The following LAMP5 variants were observed in gnomAD, a reference collection of about 807,000 sequenced individuals.
LAMP5 encodes lysosome-associated membrane glycoprotein 5.
LAMP5 carries 36 observed loss-of-function variants against 30.2 expected under a neutral mutation model. That is an observed-to-expected ratio of 1.19 (90% CI 0.91 to 1.57). The LOEUF (loss-of-function observed/expected upper bound fraction) is 1.57, where lower values mean the gene tolerates loss of function less well. Among genes scored for constraint, LAMP5 ranks in the 40% most tolerant of loss-of-function variants. The probability of loss-of-function intolerance (pLI) is 0.00; values close to 1 mark genes in which losing one functional copy is unlikely to be tolerated. For missense variants in LAMP5, 377 were observed against 354.9 expected (o/e 1.06, Z -0.50); for synonymous variants, 149 against 134.6 (o/e 1.11, Z -0.74).
rs2045025007 is a variant in LAMP5 at position 9,514,995 on chromosome 20, G to A, written c.64+79G>A. On this transcript the variant is annotated intron_variant, in intron 1 of 5. Coordinates refer to ENST00000246070, the MANE Select transcript of LAMP5 (RefSeq NM_012261.4). ...AGAGCCGGCAAAGTAAAGTCAATTA[G>A]CTTGAGATAAAAAATATGGCCCTTA... 21 of 1,319,806 alleles carry A rather than the reference G, an allele frequency of 1.6e-5. No individual in the cohort carries two copies. In the South Asian group the frequency reaches 2.2e-4, roughly 14 times the overall value. 81.8% of individuals were successfully genotyped at this position (1,319,806 alleles called of 1,614,324 possible).
intron 5 of LAMP5, among the ~76,000 whole-genome samples, chr20:9,526,159 G>A (rs916562683): frequency 1.3e-5 from 2 of 152,142 alleles, no homozygotes; most frequent in Non-Finnish European, 2.9e-5. Context: ...GGTCCTGAGG[G>A]CTTTGCTACT....
chr20:9,518,291 A>C, intron 5 of LAMP5, 63 bp downstream of exon 5: 1 of 1,433,844 alleles, frequency 7.0e-7, no homozygotes, highest in Non-Finnish European at 9.7e-7. Flanking sequence ...TGAGAGAGGG[A>C]CCTACCAGGG....
At chr20:9,529,610 G>A in intron 5 of LAMP5, 32 bp from the exon 6 acceptor site, 1 of 1,601,078 alleles carries the variant, frequency 6.2e-7, no homozygotes, top group Non-Finnish European at 8.5e-7. Context: ...GTTTTGACCA[G>A]AGCTCTCTGC....
chr20:9,516,618 C>T lies in LAMP5; in HGVS notation c.475+257C>T, dbSNP rs3817878. 0.016 allele frequency among the ~76,000 whole-genome samples: 2,504 copies of T among 152,292 alleles called. 220 individuals carry two copies. In the East Asian group the frequency reaches 0.26, roughly 16 times the overall value. On this transcript the variant is annotated intron_variant, in intron 4 of 5. Transcript: ENST00000246070. Reference sequence around the variant, plus strand: ...TGGCCTGATCCTAGATAAGAAGTCCCTTGAAGGCCTGTCGTTCCCTGGTGC... The same window carrying T: ...TGGCCTGATCCTAGATAAGAAGTCCTTTGAAGGCCTGTCGTTCCCTGGTGC...
chr20:9,526,094 T>C (rs62193586), intron 5 of LAMP5, among the ~76,000 whole-genome samples: 7,818 of 152,224 alleles, frequency 0.051, 310 homozygotes, highest in East Asian at 0.21. Context: ...CTTGTAAAGA[T>C]GCCTGGGGCC....
Position 9,514,829 on chromosome 20 carries a change from G to A in LAMP5, c.-24G>A. 1 of 1,612,984 alleles carries A rather than the reference G, an allele frequency of 6.2e-7. No individual in the cohort carries two copies. The highest frequency in any genetic ancestry group is 8.5e-7 in the Non-Finnish European group (1 of 1,179,166). ...TGGCGGCCTCTGCAGCAGCACAGCC[G>A]GCCTCATTCGGGGCACTGCGAGTAT... On this transcript the variant is annotated 5_prime_UTR_variant, in exon 1 of 6. Transcript: ENST00000246070.
intron 5 of LAMP5, among the ~76,000 whole-genome samples, chr20:9,525,892 C>T (rs539893826): frequency 1.4e-4 from 22 of 152,338 alleles, no homozygotes; most frequent in African/African-American, 5.3e-4. Flanking sequence ...TTCTCCATTG[C>T]CTCTCCCATT....
At chr20:9,528,110 T>C (rs969475848) in intron 5 of LAMP5, among the ~76,000 whole-genome samples, 4 of 152,348 alleles carry the variant, frequency 2.6e-5, no homozygotes, top group African/African-American at 9.6e-5. Flanking sequence ...CATAATTGAA[T>C]ACTATTTGGC....
At chr20:9,516,394 C>A in intron 4 of LAMP5, 33 bp downstream of exon 4, 4 of 1,540,284 alleles carry the variant, frequency 2.6e-6, no homozygotes, top group African/African-American at 1.4e-5. Context: ...GGGGAGGGAG[C>A]CTGGGAACTC....
chr20:9,516,445 A>C, intron 4 of LAMP5, 84 bp downstream of exon 4: 2 of 1,186,508 alleles, frequency 1.7e-6, no homozygotes, highest in Non-Finnish European at 2.5e-6. Context: ...AGGTTTTGGA[A>C]ACCGTCCCAC....
chr20:9,522,994 T>TTTTA (rs2045089268), intron 5 of LAMP5, among the ~76,000 whole-genome samples: 1 of 146,314 alleles, frequency 6.8e-6, no homozygotes, highest in Non-Finnish European at 1.5e-5. Context: ...TTTTTTTTTT[T>TTTTA]GAGATGGGAG....
chr20:9,517,625 G>GTGTGTGTGTGTGTA (rs1315259613), intron 4 of LAMP5, among the ~76,000 whole-genome samples: 1 of 151,848 alleles, frequency 6.6e-6, no homozygotes, highest in Non-Finnish European at 1.5e-5. Flanking sequence ...AAATGTATGT[G>GTGTGTGTGTGTGTA]TGTGTGTGTG....
intron 5 of LAMP5, among the ~76,000 whole-genome samples, chr20:9,526,508 C>T (rs55938107): frequency 1.3e-4 from 20 of 152,166 alleles, no homozygotes; most frequent in South Asian, 6.2e-4. Context: ...ATCATACTGG[C>T]GAAGAAGACC....
intron 4 of LAMP5, among the ~76,000 whole-genome samples, chr20:9,517,206 C>G (rs569068541): frequency 3.0e-4 from 46 of 152,108 alleles, no homozygotes; most frequent in African/African-American, 1.1e-3. Context: ...AAGATGTCCC[C>G]CAGTTAAATT....
intron 5 of LAMP5, among the ~76,000 whole-genome samples, chr20:9,528,989 C>T (rs1210998787): frequency 1.3e-5 from 2 of 152,194 alleles, no homozygotes; most frequent in Admixed American, 6.5e-5. Flanking sequence ...ACAATTTATC[C>T]ATTCCATTTT....
rs2045023246 is a variant in LAMP5 at position 9,514,877 on chromosome 20, C to T, written c.25C>T (p.Pro9Ser). The T allele has an allele frequency of 1.9e-6, 3 of 1,614,066 alleles. No homozygotes were observed. Among genetic ancestry groups the T allele is most frequent in the Admixed American group, 1.7e-5 (1 of 60,000 alleles). The change falls in exon 1 of 6, where the codon CCC becomes TCC. Residue 9 changes from proline (P) to serine (S), a missense_variant. Pro to Ser is a moderately conservative substitution (Grantham distance 74, BLOSUM62 -1). Transcript: ENST00000246070. ...TATGGATCTCCAAGGAAGAGGGGTCCCCAGCATCGACAGACTTCGAGTTCT... is the reference window on the plus strand; with the variant it reads ...TATGGATCTCCAAGGAAGAGGGGTCTCCAGCATCGACAGACTTCGAGTTCT... MDLQGRGV[P>S]SIDRLRVLLM...
chr20:9,523,898 T>C (rs532870167), intron 5 of LAMP5, among the ~76,000 whole-genome samples: 1 of 152,350 alleles, frequency 6.6e-6, no homozygotes, highest in East Asian at 1.9e-4. Flanking sequence ...TACCCTGGGG[T>C]ATATATAGTT....
intron 4 of LAMP5, 40 bp from the exon 5 acceptor site, chr20:9,518,000 C>A (rs371656024): frequency 5.4e-5 from 41 of 763,046 alleles, no homozygotes; most frequent in African/African-American, 1.6e-4. Flanking sequence ...AGGTTAGGAA[C>A]AATGAGGGTT....
chr20:9,514,739 T>G lies in LAMP5; in HGVS notation c.-114T>G. ...GAATACGCGCTCCCTCCCTCCCCCT[T>G]CTCTGTCCCCCGCCTCTCGCTCACC... On this transcript the variant is annotated 5_prime_UTR_variant, in exon 1 of 6. Transcript: ENST00000246070. 1.1e-6 allele frequency: 1 copy of G among 905,796 alleles called. No individual in the cohort carries two copies. Among genetic ancestry groups the G allele is most frequent in the Non-Finnish European group, 1.8e-6 (1 of 570,924 alleles). 56.1% of individuals were successfully genotyped at this position (905,796 alleles called of 1,614,324 possible).
Sources: allele counts gnomAD v4.1 joint callset (sites outside exome capture counted in the v4.1 genomes callset), GRCh38; gene constraint gnomAD v4.1.1; transcripts MANE v1.5; gene names NCBI Gene and HGNC (gene_info 2026-07-23, HGNC 2026-07-21).